The following ZNF721 variants were observed in gnomAD, a reference collection of about 807,000 sequenced individuals.
The protein encoded by ZNF721 is zinc finger protein 721.
In ZNF721, 2 loss-of-function variants were observed where a neutral mutation model predicts 2.4. That is an observed-to-expected ratio of 0.82 (90% confidence interval 0.34 to 2.58). The LOEUF is 2.58. Among genes scored for constraint, ZNF721 ranks in the 30% most tolerant of loss-of-function variants. The pLI, the probability that ZNF721 is intolerant of heterozygous loss-of-function variation, is 0.11. For missense variants in ZNF721, 1,187 were observed against 1,085.5 expected, an observed-to-expected ratio of 1.09 and a Z score of -1.31; for synonymous variants, 398 against 381.8, an observed-to-expected ratio of 1.04 and a Z score of -0.50.
chr4:472,084 C>A (rs182794834), intron 2 of ZNF721, among the ~76,000 whole-genome samples: 1 of 152,104 alleles, frequency 6.6e-6, no homozygotes, highest in African/African-American at 2.4e-5. Context: ...TTTTTTGAGA[C>A]GGAGTTTTGC....
chr4:467,285 A>T (rs1338369276), intron 2 of ZNF721, among the ~76,000 whole-genome samples: 1 of 152,204 alleles, frequency 6.6e-6, no homozygotes, highest in Non-Finnish European at 1.5e-5. Context: ...AAAATTCTTT[A>T]GAATCAAATG....
intron 1 of ZNF721, among the ~76,000 whole-genome samples, chr4:494,663 G>T (rs143861630): frequency 4.6e-5 from 7 of 152,274 alleles, no homozygotes; most frequent in Non-Finnish European, 8.8e-5. Context: ...ATAAGGTATA[G>T]AGAGAAAAAG....
intron 1 of ZNF721, among the ~76,000 whole-genome samples, chr4:481,679 T>C (rs13102358): frequency 0.16 from 24,308 of 151,862 alleles, 2,382 homozygotes; most frequent in Non-Finnish European, 0.23. Context: ...TTGCAAGTGA[T>C]CTATTTGACA....
At chr4:463,773 G>A (rs1243612444) in intron 2 of ZNF721, among the ~76,000 whole-genome samples, 1 of 152,140 alleles carries the variant, frequency 6.6e-6, no homozygotes, top group Non-Finnish European at 1.5e-5. Flanking sequence ...AGGGGGCTAG[G>A]GGAGGGATAG....
chr4:442,034 A>G lies in ZNF721; in HGVS notation c.2433T>C (p.Cys811=). 1 of 1,613,954 alleles carries G rather than the reference A, an allele frequency of 6.2e-7. No individual in the cohort carries two copies. Among genetic ancestry groups the G allele is most frequent in the Non-Finnish European group, 8.5e-7 (1 of 1,179,894 alleles). The part of the protein sequence containing the change: ...RIHTGEKPFK[C]LECGKAFTSS... ...TAGTAAACGCTTTACCACATTCTAA[A>G]CATTTAAAGGGTTTCTCACCTGTAT... Residue 811 remains cysteine (C), a synonymous_variant, in exon 3 of 3, where the codon TGT becomes TGC. Transcript: ENST00000511833.
chr4:459,970 G>T (rs947823199), intron 2 of ZNF721, among the ~76,000 whole-genome samples: 8 of 152,128 alleles, frequency 5.3e-5, no homozygotes, highest in African/African-American at 1.9e-4. Flanking sequence ...GACCCACAAA[G>T]AGACTTAGAC....
intron 1 of ZNF721, among the ~76,000 whole-genome samples, chr4:485,034 G>A (rs564584802): frequency 1.4e-3 from 218 of 151,986 alleles, no homozygotes; most frequent in African/African-American, 3.7e-3. Context: ...TTCTCAAGCC[G>A]GCCGACACTT....
Position 499,061 on chromosome 4 carries a change from C to G in ZNF721, c.-99G>C. 1.9e-6 allele frequency: 1 copy of G among 527,694 alleles called. No homozygotes were observed. Among genetic ancestry groups the G allele is most frequent in the Non-Finnish European group, 3.3e-6 (1 of 300,740 alleles). 32.7% of individuals were successfully genotyped at this position (527,694 alleles called of 1,614,324 possible). On this transcript the variant is annotated 5_prime_UTR_variant, in exon 1 of 3. Transcript: ENST00000511833. Reference sequence around the variant, plus strand: ...AACTTTTTAAAACCTCGTACCTCGCCGTGGGCGGCGACCGTCGCGGACTCG... The same window carrying G: ...AACTTTTTAAAACCTCGTACCTCGCGGTGGGCGGCGACCGTCGCGGACTCG...
At chr4:474,485 T>C (rs1715573414) in intron 1 of ZNF721, among the ~76,000 whole-genome samples, 1 of 152,146 alleles carries the variant, frequency 6.6e-6, no homozygotes, top group South Asian at 2.1e-4. Flanking sequence ...AACAATATAG[T>C]GACAATTATT....
intron 2 of ZNF721, among the ~76,000 whole-genome samples, chr4:460,225 G>A (rs1715018272): frequency 6.6e-6 from 1 of 152,022 alleles, no homozygotes; most frequent in Admixed American, 6.6e-5. Flanking sequence ...GCAGAAGAAA[G>A]AAAATTATAA....
chr4:485,101 G>T (rs1715861238), intron 1 of ZNF721, among the ~76,000 whole-genome samples: 1 of 152,098 alleles, frequency 6.6e-6, no homozygotes, highest in African/African-American at 2.4e-5. Flanking sequence ...AATAGGTCAG[G>T]ATGGTCAGTG....
chr4:490,199 G>A (rs1250585056), intron 1 of ZNF721, among the ~76,000 whole-genome samples: 1 of 151,964 alleles, frequency 6.6e-6, no homozygotes, highest in Non-Finnish European at 1.5e-5. Flanking sequence ...ACAAACAGCC[G>A]GGTGCGGTGG....
At chr4:486,143 T>G (rs1715889776) in intron 1 of ZNF721, among the ~76,000 whole-genome samples, 1 of 146,914 alleles carries the variant, frequency 6.8e-6, no homozygotes. Context: ...TGGTTGAGTG[T>G]GATTTCTTTT....
intron 1 of ZNF721, among the ~76,000 whole-genome samples, chr4:484,050 G>A (rs1715834430): frequency 6.6e-6 from 1 of 152,176 alleles, no homozygotes; most frequent in South Asian, 2.1e-4. Context: ...GGCCCCAAAT[G>A]GAGGGACCAG....
Position 442,178 on chromosome 4 carries a change from T to C in ZNF721, c.2289A>G (p.Lys763=), listed in dbSNP as rs782355386. The change falls in exon 3 of 3, where the codon AAA becomes AAG. Residue 763 remains lysine (K), a synonymous_variant. Coordinates refer to ENST00000511833, the MANE Select transcript of ZNF721 (RefSeq NM_133474.4). ...CATGTCTATTCAGGTGTGAGGACTG[T>C]TTAAACACTTTCCCACATTCTTTAC... ...YKCKECGKVF[K]QSSHLNRHEK... 47 of 1,612,276 alleles carry C rather than the reference T, an allele frequency of 2.9e-5. No individual in the cohort carries two copies. The highest frequency in any genetic ancestry group is 1.6e-4 in the Middle Eastern group (1 of 6,084).
At chr4:464,567 G>A (rs1185445854) in intron 2 of ZNF721, among the ~76,000 whole-genome samples, 3 of 151,776 alleles carry the variant, frequency 2.0e-5, no homozygotes, top group Non-Finnish European at 4.4e-5. Flanking sequence ...ATCTGTTAAT[G>A]GTACATAATA....
chr4:482,669 G>C (rs1214100230), intron 1 of ZNF721, among the ~76,000 whole-genome samples: 28 of 151,476 alleles, frequency 1.8e-4, no homozygotes, highest in African/African-American at 6.8e-4. Context: ...GCTAATTTTT[G>C]TATTTTTAGT....
At chr4:447,665 T>C (rs1237145479) in intron 2 of ZNF721, among the ~76,000 whole-genome samples, 21 of 152,180 alleles carry the variant, frequency 1.4e-4, no homozygotes, top group Admixed American at 1.3e-3. Flanking sequence ...TCACTTGAGA[T>C]GTAATAATTT....
intron 2 of ZNF721, chr4:453,329 A>G (rs966471706): frequency 1.4e-4 from 21 of 152,236 alleles, no homozygotes; most frequent in Non-Finnish European, 2.5e-4. Flanking sequence ...CAATGAAACA[A>G]ATGGTTAATT....
Sources: allele counts gnomAD v4.1 joint callset (sites outside exome capture counted in the v4.1 genomes callset), GRCh38; gene constraint gnomAD v4.1.1; transcripts MANE v1.5; gene names NCBI Gene and HGNC (gene_info 2026-07-23, HGNC 2026-07-21).